The following RASAL2 variants were observed in gnomAD, a reference collection of about 807,000 sequenced individuals.
The protein encoded by RASAL2 is RAS protein activator like 2.
A neutral mutation model predicts 128.9 loss-of-function variants in RASAL2; 58 were observed. The ratio of observed to expected loss-of-function variants is 0.45; its 90% confidence interval spans 0.36 to 0.56. The LOEUF is 0.56. Ranked by LOEUF, RASAL2 falls within the 20% of genes least tolerant of loss-of-function variation. The probability of loss-of-function intolerance (pLI) is 0.00; values close to 1 mark genes in which losing one functional copy is unlikely to be tolerated. For missense variants in RASAL2, 1,360 were observed against 1,601.6 expected, an observed-to-expected ratio of 0.85 and a Z score of 2.57; for synonymous variants, 561 against 580.8, an observed-to-expected ratio of 0.97 and a Z score of 0.49.
chr1:178,100,707 G>T (rs528263754), intron 1 of RASAL2, among the ~76,000 whole-genome samples: 1 of 152,166 alleles, frequency 6.6e-6, no homozygotes, highest in African/African-American at 2.4e-5. Flanking sequence ...GAAGGATGAG[G>T]TAAGTTGAAA....
intron 3 of RASAL2, among the ~76,000 whole-genome samples, chr1:178,301,213 G>T (rs1355885698): frequency 6.6e-6 from 1 of 152,170 alleles, no homozygotes; most frequent in African/African-American, 2.4e-5. Context: ...CCTTGGAGAA[G>T]TCAGATTTTT....
chr1:178,438,932 T>TG (rs1553233715), intron 5 of RASAL2, among the ~76,000 whole-genome samples: 5 of 145,474 alleles, frequency 3.4e-5, no homozygotes, highest in South Asian at 4.4e-4. Flanking sequence ...TGTGTGTGTG[T>TG]TTTGCCAAAG....
intron 1 of RASAL2, among the ~76,000 whole-genome samples, chr1:178,097,556 G>A (rs755230636): frequency 1.3e-5 from 2 of 152,156 alleles, no homozygotes; most frequent in Non-Finnish European, 2.9e-5. Flanking sequence ...GATGAGTATG[G>A]CGATGTTGCT....
chr1:178,363,914 G>C (rs1671258154), intron 3 of RASAL2, among the ~76,000 whole-genome samples: 1 of 152,070 alleles, frequency 6.6e-6, no homozygotes. Flanking sequence ...GGCTAACACG[G>C]TGAAACCCCA....
intron 3 of RASAL2, among the ~76,000 whole-genome samples, chr1:178,363,102 G>T (rs1280122840): frequency 6.6e-6 from 1 of 151,972 alleles, no homozygotes; most frequent in Non-Finnish European, 1.5e-5. Context: ...TTTCCACACG[G>T]GCTGCACAAA....
chr1:178,374,012 T>G (rs572161635), intron 3 of RASAL2, among the ~76,000 whole-genome samples: 1 of 152,274 alleles, frequency 6.6e-6, no homozygotes, highest in Admixed American at 6.5e-5. Flanking sequence ...AGGGCTACAA[T>G]AAGTTTAGTT....
chr1:178,221,355 T>A (rs977252904), intron 1 of RASAL2, among the ~76,000 whole-genome samples: 6 of 152,212 alleles, frequency 3.9e-5, no homozygotes, highest in Admixed American at 2.6e-4. Context: ...GGTAGAAGCT[T>A]CAGTTATTGA....
intron 3 of RASAL2, among the ~76,000 whole-genome samples, chr1:178,326,601 A>G (rs953132203): frequency 5.3e-5 from 8 of 152,002 alleles, no homozygotes; most frequent in South Asian, 2.1e-4. Context: ...CTGGAGTGCA[A>G]TGGCACAATC....
chr1:178,397,133 A>G (rs556413128), intron 4 of RASAL2, among the ~76,000 whole-genome samples: 1 of 152,194 alleles, frequency 6.6e-6, no homozygotes, highest in Non-Finnish European at 1.5e-5. Flanking sequence ...AGGAATATAC[A>G]CAAGAAAATT....
At chr1:178,375,610 A>G (rs1245454158) in intron 3 of RASAL2, among the ~76,000 whole-genome samples, 1 of 152,170 alleles carries the variant, frequency 6.6e-6, no homozygotes, top group East Asian at 1.9e-4. Flanking sequence ...TCTTTTCAGC[A>G]CGTGGAATAC....
intron 3 of RASAL2, among the ~76,000 whole-genome samples, chr1:178,320,384 C>T (rs1236042676): frequency 1.3e-5 from 2 of 152,204 alleles, no homozygotes; most frequent in African/African-American, 2.4e-5. Context: ...TGGGCACCCT[C>T]CCCCAGCCTC....
rs567504530 is a variant in RASAL2 at position 178,185,286 on chromosome 1, G to A, written c.202+90592G>A. On this transcript the variant is annotated intron_variant, in intron 1 of 17. Coordinates refer to ENST00000367649, the MANE Select transcript of RASAL2 (RefSeq NM_170692.4). ...TTTTCTACAGACAGTCATGTCATTT[G>A]CAAATAAAGGCAGGTTTATTTCTTC... is the stretch of plus-strand genomic sequence containing the variant. Among the ~76,000 whole-genome samples, 5 of 150,926 alleles carry A rather than the reference G, an allele frequency of 3.3e-5. No individual in the cohort carries two copies. The East Asian group carries it at 7.8e-4, about 23-fold the overall frequency.
chr1:178,179,330 T>C (rs1029203667), intron 1 of RASAL2, among the ~76,000 whole-genome samples: 2 of 152,174 alleles, frequency 1.3e-5, no homozygotes, highest in Non-Finnish European at 2.9e-5. Flanking sequence ...CACATAAAAA[T>C]GAAGTAACTT....
At chr1:178,181,518 C>T (rs1003622575) in intron 1 of RASAL2, among the ~76,000 whole-genome samples, 4 of 152,012 alleles carry the variant, frequency 2.6e-5, no homozygotes, top group African/African-American at 4.8e-5. Flanking sequence ...CCACCGTGCC[C>T]GGCTAATTTT....
chr1:178,303,125 A>G (rs540926491), intron 3 of RASAL2, among the ~76,000 whole-genome samples: 2 of 152,300 alleles, frequency 1.3e-5, no homozygotes, highest in South Asian at 4.2e-4. Context: ...ATTTGGTGTG[A>G]CATTTCCCTC....
At chr1:178,319,837 G>A (rs1344020085) in intron 3 of RASAL2, among the ~76,000 whole-genome samples, 3 of 152,356 alleles carry the variant, frequency 2.0e-5, no homozygotes, top group Admixed American at 1.3e-4. Context: ...TTGCTGATGA[G>A]GAACTGCGTT....
At chr1:178,365,774 G>T (rs1671368089) in intron 3 of RASAL2, among the ~76,000 whole-genome samples, 1 of 152,050 alleles carries the variant, frequency 6.6e-6, no homozygotes, top group South Asian at 2.1e-4. Flanking sequence ...TGCCAACCTA[G>T]TTGCCTTTTA....
At chr1:178,246,158 A>C (rs1454111908) in intron 1 of RASAL2, among the ~76,000 whole-genome samples, 2 of 152,206 alleles carry the variant, frequency 1.3e-5, no homozygotes, top group African/African-American at 4.8e-5. Flanking sequence ...TACTTTGGGC[A>C]GTATGGTCAT....
intron 3 of RASAL2, among the ~76,000 whole-genome samples, chr1:178,323,546 A>G (rs989684877): frequency 4.6e-5 from 7 of 152,220 alleles, no homozygotes; most frequent in Non-Finnish European, 7.3e-5. Context: ...GATAAATACA[A>G]AGTTGGTAAA....
Sources: gnomAD v4.1 joint callset for allele counts (sites outside exome capture counted in the v4.1 genomes callset) on GRCh38, gnomAD v4.1.1 for gene constraint, MANE v1.5 for transcripts, NCBI Gene and HGNC (gene_info 2026-07-23, HGNC 2026-07-21) for gene names.